Variants in CDK12 observed in about 807,000 individuals in gnomAD.
The protein encoded by CDK12 is cyclin-dependent kinase 12.
Under a neutral mutation model 133.8 loss-of-function variants are expected in CDK12, and 17 were observed. That is an observed-to-expected ratio of 0.13 (90% CI 0.09 to 0.19). The LOEUF is 0.19. Among genes scored for constraint, CDK12 ranks in the 10% least tolerant of loss-of-function variants. The pLI, the probability that CDK12 is intolerant of heterozygous loss-of-function variation, is 1.00. For missense variants in CDK12, 1,508 were observed against 1,818.7 expected, an observed-to-expected ratio of 0.83 and a Z score of 3.11; for synonymous variants, 694 against 683.6, an observed-to-expected ratio of 1.02 and a Z score of -0.24.
At chr17:39,565,715 T>A (rs1473950305), downstream of CDK12, among the ~76,000 whole-genome samples, 1 of 152,224 alleles carries the variant, frequency 6.6e-6, no homozygotes, top group Non-Finnish European at 1.5e-5. Flanking sequence ...ATTACAGGCG[T>A]GAGCCACCGT....
chr17:39,505,491 C>T (rs1249273151), intron 6 of CDK12, among the ~76,000 whole-genome samples: 2 of 142,780 alleles, frequency 1.4e-5, no homozygotes, highest in Non-Finnish European at 3.0e-5. Context: ...CACCACTGCA[C>T]TCCAGCCTGG....
chr17:39,484,147 A>G (rs933282501), intron 2 of CDK12, among the ~76,000 whole-genome samples: 2 of 152,136 alleles, frequency 1.3e-5, no homozygotes, highest in African/African-American at 4.8e-5. Flanking sequence ...CCTGGTCTAT[A>G]TTCTTTTTTT....
In CDK12 at chr17:39,467,661, A is replaced by G. The variant is rs549104306; in HGVS notation, c.1047-3218A>G. ...ACTAAAACAGTAGTACTTGGTAGCT[A>G]GCTGGCATTAGTGTTTTGGGTTTTA... On this transcript the variant is annotated intron_variant, in intron 1 of 13. Transcript: ENST00000447079. 2.6e-5 allele frequency among the ~76,000 whole-genome samples: 4 copies of G among 152,284 alleles called. No homozygotes were observed. The South Asian group carries it at 8.3e-4, about 32-fold the overall frequency.
chr17:39,553,656 A>C (rs1467405041), intron 2 of CDK12, among the ~76,000 whole-genome samples: 1 of 152,128 alleles, frequency 6.6e-6, no homozygotes. Context: ...GATTCCTAGA[A>C]ATGAAGGAGG....
At chr17:39,470,608 T>C (rs1271114265) in intron 1 of CDK12, among the ~76,000 whole-genome samples, 1 of 152,190 alleles carries the variant, frequency 6.6e-6, no homozygotes, top group African/African-American at 2.4e-5. Context: ...AATTATAAAC[T>C]GGAGTCCATA....
intron 5 of CDK12, among the ~76,000 whole-genome samples, chr17:39,495,578 T>TCAG (rs1400415617): frequency 6.6e-6 from 1 of 151,442 alleles, no homozygotes; most frequent in Non-Finnish European, 1.5e-5. Context: ...GATCACAAGG[T>TCAG]CAGGAGATCA....
chr17:39,482,170 A>T (rs1363135005), intron 2 of CDK12, among the ~76,000 whole-genome samples: 2 of 148,900 alleles, frequency 1.3e-5, no homozygotes, highest in East Asian at 4.0e-4. Context: ...GTGCCACCAC[A>T]CCCTGCTAAT....
At chr17:39,550,563 C>G (rs571296197) in intron 1 of CDK12, 1 of 152,318 alleles carries the variant, frequency 6.6e-6, no homozygotes, top group East Asian at 1.9e-4. Flanking sequence ...AAGACAAGAG[C>G]TATGGACCAT....
chr17:39,526,385 AT>A (rs1025376228), intron 13 of CDK12, 69 bp downstream of exon 13: 126 of 1,245,376 alleles, frequency 1.0e-4, no homozygotes, highest in Middle Eastern at 2.8e-4. Context: ...ATCTCTTAAC[AT>A]TTTTTTTCCC....
At chr17:39,499,218 T>TCTTTC (rs2052522000) in intron 5 of CDK12, among the ~76,000 whole-genome samples, 1 of 106,752 alleles carries the variant, frequency 9.4e-6, no homozygotes. Context: ...CTTTTTTTTT[T>TCTTTC]TTTTTTGAGA....
chr17:39,493,698 T>C (rs2051831427), intron 4 of CDK12, among the ~76,000 whole-genome samples: 1 of 152,064 alleles, frequency 6.6e-6, no homozygotes, highest in South Asian at 2.1e-4. Flanking sequence ...ACTATAATTA[T>C]AACTTTTAAA....
chr17:39,472,044 C>T (rs1158937581), intron 2 of CDK12, among the ~76,000 whole-genome samples: 3 of 152,044 alleles, frequency 2.0e-5, no homozygotes, highest in African/African-American at 4.8e-5. Context: ...AATGCAGTGG[C>T]GTCATCTCAG....
intron 2 of CDK12, among the ~76,000 whole-genome samples, chr17:39,478,695 T>C (rs2050402722): frequency 6.6e-6 from 1 of 152,048 alleles, no homozygotes; most frequent in African/African-American, 2.4e-5. Flanking sequence ...CATGATAGCA[T>C]GCACCTGTGG....
chr17:39,527,832 C>T (rs1298922103), intron 13 of CDK12, among the ~76,000 whole-genome samples: 2 of 152,096 alleles, frequency 1.3e-5, no homozygotes, highest in African/African-American at 4.8e-5. Flanking sequence ...CAGGCTTGAG[C>T]CACTACCCCC....
In CDK12 at chr17:39,471,176, C is replaced by T. The variant is rs557432023; in HGVS notation, c.1344C>T (p.Pro448=). 5 of 1,580,452 alleles carry T rather than the reference C, an allele frequency of 3.2e-6. No individual in the cohort carries two copies. In the Admixed American group the frequency reaches 5.8e-5, roughly 18 times the overall value. ...CAGGTTTGGAGTCTAAAAAGTTACC[C>T]AGAAGTGTAAAATTGGAAAAATCTG... The part of the protein sequence containing the change: ...KDSGLESKKL[P]RSVKLEKSAP... The change falls in exon 2 of 14, where the codon CCC becomes CCT. Residue 448 remains proline, a synonymous_variant. Coordinates refer to ENST00000447079, the MANE Select transcript of CDK12 (RefSeq NM_016507.4).
chr17:39,561,734 T>C (rs1317096662), intron 3 of CDK12, among the ~76,000 whole-genome samples: 1 of 152,156 alleles, frequency 6.6e-6, no homozygotes, highest in African/African-American at 2.4e-5. Context: ...TCTTGGCCTA[T>C]TCCAGCAGCT....
upstream of CDK12, chr17:39,549,587 C>T (rs1048112027): frequency 3.9e-5 from 6 of 152,208 alleles, no homozygotes; most frequent in East Asian, 1.9e-4. Flanking sequence ...TTGGGAGCAT[C>T]GCCATGCCCT....
chr17:39,503,720 A>G lies in CDK12; in HGVS notation c.2609+2281A>G, dbSNP rs368092018. Among the ~76,000 whole-genome samples, 414 of 152,246 alleles carry G rather than the reference A, an allele frequency of 2.7e-3. 1 individual carries two copies. Among genetic ancestry groups the G allele is most frequent in the African/African-American group, 9.7e-3 (405 of 41,540 alleles). On this transcript the variant is annotated intron_variant, in intron 6 of 13. Coordinates refer to ENST00000447079, the MANE Select transcript of CDK12 (RefSeq NM_016507.4). ...TACAGGAATCCTGTGGTCTAGCCTGATCCATCCAGCCTCTTCCCTTACCCA... is the reference window on the plus strand; with the variant it reads ...TACAGGAATCCTGTGGTCTAGCCTGGTCCATCCAGCCTCTTCCCTTACCCA...
At chr17:39,545,146 A>C (rs1214984390), upstream of CDK12, among the ~76,000 whole-genome samples, 1 of 152,058 alleles carries the variant, frequency 6.6e-6, no homozygotes, top group Non-Finnish European at 1.5e-5. Context: ...GATGTCAGTT[A>C]GTGGGTTACT....
Sources: allele counts gnomAD v4.1 joint callset (sites outside exome capture counted in the v4.1 genomes callset), GRCh38; gene constraint gnomAD v4.1.1; transcripts MANE v1.5; gene names NCBI Gene and HGNC (gene_info 2026-07-23, HGNC 2026-07-21).